The following RNF150 variants were observed in gnomAD, a reference collection of about 807,000 sequenced individuals.
RNF150 encodes ring finger protein 150.
RNF150 carries 24 observed loss-of-function variants against 39.3 expected under a neutral mutation model. The observed-to-expected ratio is 0.61, with a 90% confidence interval of 0.44 to 0.86. The LOEUF is 0.86. RNF150 is among the 40% of genes least tolerant of loss of function. RNF150 has a pLI of 0.00. For missense variants in RNF150, 502 were observed against 587.8 expected, an observed-to-expected ratio of 0.85 and a Z score of 1.51; for synonymous variants, 255 against 227.3, an observed-to-expected ratio of 1.12 and a Z score of -1.10.
chr4:140,962,694 T>A (rs1733089361), intron 2 of RNF150, among the ~76,000 whole-genome samples: 1 of 151,986 alleles, frequency 6.6e-6, no homozygotes. Context: ...TATCATTCAT[T>A]GAGTGCTGAC....
chr4:141,154,796 A>G (rs1169242379), intron 1 of RNF150, among the ~76,000 whole-genome samples: 1 of 152,228 alleles, frequency 6.6e-6, no homozygotes, highest in Non-Finnish European at 1.5e-5. Context: ...GAGATGAGGA[A>G]AAGAGAGAAA....
chr4:141,098,332 C>G (rs923037167), intron 1 of RNF150, among the ~76,000 whole-genome samples: 5 of 152,238 alleles, frequency 3.3e-5, no homozygotes, highest in African/African-American at 4.8e-5. Flanking sequence ...AGTGCACAGG[C>G]CTCCAAGTGC....
intron 1 of RNF150, among the ~76,000 whole-genome samples, chr4:140,979,090 T>C (rs904306506): frequency 2.0e-5 from 3 of 152,112 alleles, no homozygotes; most frequent in African/African-American, 7.2e-5. Context: ...AGGCCCGCAA[T>C]TGGCCCTGAG....
At position 140,863,216 on chromosome 4, in the gene RNF150, G is replaced by A. The variant is rs139298796; in HGVS notation, c.*5045C>T. ...CCTAACCCTGGGGGCTCAGGCGAATGAGGAGGGTCAAATGCTGAGGGTGGG... is the reference window on the plus strand; with the variant it reads ...CCTAACCCTGGGGGCTCAGGCGAATAAGGAGGGTCAAATGCTGAGGGTGGG... On this transcript the variant is annotated 3_prime_UTR_variant, in exon 7 of 7. Coordinates refer to ENST00000515673, the MANE Select transcript of RNF150 (RefSeq NM_020724.2). 1 of 152,346 alleles carries A rather than the reference G, an allele frequency of 6.6e-6. No homozygotes were observed. The highest frequency in any genetic ancestry group is 1.9e-4 in the East Asian group (1 of 5,188). 9.4% of individuals were successfully genotyped at this position (152,346 alleles called of 1,614,324 possible). A position where few individuals can be genotyped will look rare whatever the true frequency, so the allele number is the denominator to read the frequency against.
At chr4:141,062,523 A>G (rs1737277455) in intron 1 of RNF150, among the ~76,000 whole-genome samples, 1 of 152,128 alleles carries the variant, frequency 6.6e-6, no homozygotes, top group Non-Finnish European at 1.5e-5. Flanking sequence ...TACATATACA[A>G]GATAGTTTAA....
intron 1 of RNF150, among the ~76,000 whole-genome samples, chr4:141,188,183 C>A (rs895501764): frequency 2.0e-5 from 3 of 152,204 alleles, no homozygotes; most frequent in African/African-American, 7.2e-5. Flanking sequence ...TTCCCACTCT[C>A]TTCTGGCTTG....
At chr4:140,951,335 GCAGT>G (rs978736375) in intron 2 of RNF150, among the ~76,000 whole-genome samples, 2 of 152,046 alleles carry the variant, frequency 1.3e-5, no homozygotes, top group African/African-American at 4.8e-5. Flanking sequence ...TCAATAATAG[GCAGT>G]CAATCATTCA....
At chr4:141,098,960 G>A (rs1560737983) in intron 1 of RNF150, among the ~76,000 whole-genome samples, 1 of 152,066 alleles carries the variant, frequency 6.6e-6, no homozygotes, top group Non-Finnish European at 1.5e-5. Context: ...GGAGTTCCTT[G>A]AGCACTTCCT....
In RNF150 at chr4:140,924,199, C is replaced by T. The variant is rs147205137; in HGVS notation, c.987+1778G>A. Among the ~76,000 whole-genome samples the T allele has an allele frequency of 3.1e-4, 47 of 152,228 alleles. No homozygotes were observed. In the East Asian group the frequency reaches 8.5e-3, roughly 28 times the overall value. ...GACAGTTCATTGTGCAAAGTAAAAT[C>T]CTATCCGACTTGTTAGGCATCAAAC... On this transcript the variant is annotated intron_variant, in intron 5 of 6. Coordinates refer to ENST00000515673, the MANE Select transcript of RNF150 (RefSeq NM_020724.2).
rs543029603 is a variant in RNF150 at position 141,073,404 on chromosome 4, A to T, written c.484+58921T>A. On this transcript the variant is annotated intron_variant, in intron 1 of 6. Transcript: ENST00000515673. Reference sequence around the variant, plus strand: ...CCCCAGAGTAAAATATCACAGATCAACTCTTATCTGCTTTCTGAGATCCCT... The same window carrying T: ...CCCCAGAGTAAAATATCACAGATCATCTCTTATCTGCTTTCTGAGATCCCT... 3.3e-5 allele frequency among the ~76,000 whole-genome samples: 5 copies of T among 152,118 alleles called. 1 individual carries two copies. The highest frequency in any genetic ancestry group is 1.2e-4 in the African/African-American group (5 of 41,474).
intron 1 of RNF150, among the ~76,000 whole-genome samples, chr4:140,999,962 A>G (rs1172587152): frequency 1.8e-4 from 6 of 34,152 alleles, no homozygotes; most frequent in East Asian, 7.8e-4. Flanking sequence ...AAGAAGAAGA[A>G]GAAGAAGAAG....
chr4:141,159,493 G>A (rs557991719), intron 1 of RNF150, among the ~76,000 whole-genome samples: 1 of 152,134 alleles, frequency 6.6e-6, no homozygotes, highest in South Asian at 2.1e-4. Flanking sequence ...CTGTGGGCTA[G>A]AGTTTGCTGA....
rs549852950 is a variant in RNF150, at chr4:141,005,806, C to T, written c.485-37933G>A. 7.5e-4 allele frequency among the ~76,000 whole-genome samples: 97 copies of T among 130,138 alleles called. 5 individuals are homozygous for T. The highest frequency in any genetic ancestry group is 1.2e-3 in the Non-Finnish European group (68 of 57,810). The allele number at this position is 130,138 out of a possible 152,430, so 85.4% of individuals were successfully genotyped here. A position where few individuals can be genotyped will look rare whatever the true frequency, so the allele number is the denominator to read the frequency against. Reference sequence around the variant, plus strand: ...TAAAAGGGCCGGGCGCGGTGGCTCACGCCTGTAATCCCAGCACTTTGGGAG... The same window carrying T: ...TAAAAGGGCCGGGCGCGGTGGCTCATGCCTGTAATCCCAGCACTTTGGGAG... On this transcript the variant is annotated intron_variant, in intron 1 of 6. Transcript: ENST00000515673.
At position 140,860,050 on chromosome 4, in the gene RNF150, C is replaced by T. The variant is rs894315064; in HGVS notation, c.*8211G>A. On this transcript the variant is annotated 3_prime_UTR_variant, in exon 7 of 7. Coordinates refer to ENST00000515673, the MANE Select transcript of RNF150 (RefSeq NM_020724.2). ...AGCCCATTATGAGACAAGTTGATTA[C>T]GCTCTCCAAGTACAAAGAGAATAGA... 7 of 151,934 alleles carry T rather than the reference C, an allele frequency of 4.6e-5. No homozygotes were observed. The highest frequency in any genetic ancestry group is 9.7e-5 in the African/African-American group (4 of 41,342). 9.4% of individuals were successfully genotyped at this position (151,934 alleles called of 1,614,324 possible).
intron 1 of RNF150, among the ~76,000 whole-genome samples, chr4:141,162,961 A>G (rs954475751): frequency 2.6e-5 from 4 of 152,016 alleles, no homozygotes; most frequent in African/African-American, 9.7e-5. Flanking sequence ...AGAATTGTTC[A>G]CTCCCCTGGA....
chr4:140,988,728 C>T (rs1205473468), intron 1 of RNF150, among the ~76,000 whole-genome samples: 1 of 150,986 alleles, frequency 6.6e-6, no homozygotes, highest in Non-Finnish European at 1.5e-5. Context: ...GCACTACTCA[C>T]TATAGCAAAG....
intron 1 of RNF150, among the ~76,000 whole-genome samples, chr4:141,067,571 T>C (rs189084773): frequency 8.6e-4 from 131 of 152,320 alleles, no homozygotes; most frequent in African/African-American, 3.0e-3. Flanking sequence ...ATGGGGTACT[T>C]TGATAACATT....
rs1284383833 is a variant in RNF150 at position 140,911,288 on chromosome 4, T to C, written c.1054A>G (p.Asn352Asp). The part of the protein sequence containing the change: ...FEGSLGGPPT[N>D]QITGASDTTV... ...GTGTCGCTGGCACCTGTGATCTGGT[T>C]GGTGGGTGGACCTCCCAGAGAGCCC... The change falls in exon 6 of 7, where the codon AAC (asparagine) becomes GAC (aspartate). Residue 352 changes from asparagine (N) to aspartate (D), a missense_variant. Coordinates refer to ENST00000515673, the MANE Select transcript of RNF150 (RefSeq NM_020724.2). 6.2e-7 allele frequency: 1 copy of C among 1,614,130 alleles called. No individual in the cohort carries two copies. The highest frequency in any genetic ancestry group is 1.6e-4 in the Middle Eastern group (1 of 6,062).
intron 1 of RNF150, among the ~76,000 whole-genome samples, chr4:141,197,066 A>AT (rs200675688): frequency 2.3e-4 from 34 of 150,836 alleles, no homozygotes; most frequent in Admixed American, 5.3e-4. Flanking sequence ...TGTTTTAACA[A>AT]TTTTTTTTTT....
Sources: gnomAD v4.1 joint callset for allele counts (sites outside exome capture counted in the v4.1 genomes callset) on GRCh38, gnomAD v4.1.1 for gene constraint, MANE v1.5 for transcripts, NCBI Gene and HGNC (gene_info 2026-07-23, HGNC 2026-07-21) for gene names.